CHRNA9: variants seen among roughly 807,000 people sequenced by gnomAD.
CHRNA9 encodes the protein neuronal acetylcholine receptor subunit alpha-9.
CHRNA9 carries 24 observed loss-of-function variants against 36.8 expected under a neutral mutation model. That is an observed-to-expected ratio of 0.65 (90% CI 0.47 to 0.92). The LOEUF is 0.92. Among genes scored for constraint, CHRNA9 ranks in the 40% least tolerant of loss-of-function variants. CHRNA9 has a pLI of 0.00. For missense variants in CHRNA9, 610 were observed against 601.2 expected (o/e 1.01, Z -0.15); for synonymous variants, 231 against 231.8 (o/e 1.00, Z 0.03).
chr4:40,351,343 A>AAT (rs1424010350), intron 4 of CHRNA9, among the ~76,000 whole-genome samples: 3 of 150,236 alleles, frequency 2.0e-5, no homozygotes, highest in African/African-American at 7.4e-5. Flanking sequence ...AAAAAAAAAA[A>AAT]TTGAAAAAAA....
At chr4:40,340,211 C>T (rs1712460049) in intron 3 of CHRNA9, among the ~76,000 whole-genome samples, 1 of 152,166 alleles carries the variant, frequency 6.6e-6, no homozygotes, top group Non-Finnish European at 1.5e-5. Context: ...GTCCCTTCCC[C>T]ACTCTCCACC....
At chr4:40,346,882 C>A (rs1417766687) in intron 3 of CHRNA9, among the ~76,000 whole-genome samples, 2 of 152,098 alleles carry the variant, frequency 1.3e-5, no homozygotes, top group Admixed American at 6.5e-5. Context: ...GTGATCTCAA[C>A]TCACTACAAC....
intron 3 of CHRNA9, among the ~76,000 whole-genome samples, chr4:40,344,058 A>G (rs1712571448): frequency 6.6e-6 from 1 of 152,214 alleles, no homozygotes; most frequent in African/African-American, 2.4e-5. Context: ...CAAAGGAAGC[A>G]GAGGTTAGTG....
chr4:40,337,269 C>T lies in CHRNA9; in HGVS notation c.270C>T (p.Ala90=), dbSNP rs114307446. 2.5e-6 allele frequency: 4 copies of T among 1,614,176 alleles called. No individual in the cohort carries two copies. In the South Asian group the frequency reaches 4.4e-5, roughly 18 times the overall value. The change falls in exon 3 of 5, where the codon GCC becomes GCT. Residue 90 remains alanine (A), a synonymous_variant. Transcript: ENST00000310169. ...GGATCCGCCAAATCTGGCACGATGCCTATCTCACGTGGGACCGAGATCAGT... is the reference window on the plus strand; with the variant it reads ...GGATCCGCCAAATCTGGCACGATGCTTATCTCACGTGGGACCGAGATCAGT... ...YLWIRQIWHD[A]YLTWDRDQYD...
intron 3 of CHRNA9, among the ~76,000 whole-genome samples, chr4:40,345,095 T>C (rs2109683504): frequency 6.6e-6 from 1 of 152,224 alleles, no homozygotes. Flanking sequence ...GGCACACAGC[T>C]AGAAAGTGAG....
rs1054990916 is a variant in CHRNA9 at position 40,335,873 on chromosome 4, C to A, written c.111C>A (p.Asp37Glu). The change falls in exon 2 of 5, where the codon GAC (aspartate) becomes GAA (glutamate). Residue 37 changes from aspartate to glutamate, a missense_variant. Physicochemically the swap from Asp to Glu is conservative, Grantham distance 45. Transcript: ENST00000310169. The part of the protein sequence containing the change: ...DGKYAQKLFN[D>E]LFEDYSNALR... Reference sequence around the variant, plus strand: ...AATATGCTCAGAAGTTGTTTAATGACCTTTTTGAAGATTATTCTAATGCTC... The same window carrying A: ...AATATGCTCAGAAGTTGTTTAATGAACTTTTTGAAGATTATTCTAATGCTC... 7 of 1,612,486 alleles carry A rather than the reference C, an allele frequency of 4.3e-6. No homozygotes were observed. The Admixed American group carries it at 6.7e-5, about 15-fold the overall frequency.
In CHRNA9 at chr4:40,349,435, C is replaced by T. The variant is rs184070384; in HGVS notation, c.898+21C>T. 211 of 1,599,322 alleles carry T rather than the reference C, an allele frequency of 1.3e-4. 1 individual carries two copies. In the East Asian group the frequency reaches 4.5e-3, roughly 34 times the overall value. On this transcript the variant is annotated intron_variant, in intron 4 of 4. Transcript: ENST00000310169. ...GATAGGTGAGTCCAAGTGTCTTCCACTTCAAGCCCAGCTTTGTAGTGCCTG... is the reference window on the plus strand; with the variant it reads ...GATAGGTGAGTCCAAGTGTCTTCCATTTCAAGCCCAGCTTTGTAGTGCCTG...
At chr4:40,341,131 C>T (rs1421439838) in intron 3 of CHRNA9, among the ~76,000 whole-genome samples, 2 of 152,028 alleles carry the variant, frequency 1.3e-5, no homozygotes, top group African/African-American at 4.8e-5. Flanking sequence ...AAAGTTCTGG[C>T]AGGAATGTTT....
intron 2 of CHRNA9, among the ~76,000 whole-genome samples, chr4:40,336,892 G>T (rs535164389): frequency 1.2e-3 from 176 of 152,212 alleles, no homozygotes; most frequent in Non-Finnish European, 1.9e-3. Flanking sequence ...TCTGCACATT[G>T]TTATTTCCTG....
rs1033310032 is a variant in CHRNA9 at position 40,335,405 on chromosome 4, A to C, written c.-63A>C. ...CCTTGTGCCCAGATCCTTTGTATTC[A>C]TAGGGGGAAGTGGAAGACCACGCTG... On this transcript the variant is annotated 5_prime_UTR_variant, in exon 1 of 5. Coordinates refer to ENST00000310169, the MANE Select transcript of CHRNA9 (RefSeq NM_017581.4). 1.6e-6 allele frequency: 2 copies of C among 1,239,958 alleles called. No individual in the cohort carries two copies. The highest frequency in any genetic ancestry group is 1.9e-4 in the Middle Eastern group (1 of 5,164). The allele number at this position is 1,239,958 out of a possible 1,614,324, so 76.8% of individuals were successfully genotyped here.
intron 4 of CHRNA9, 189 bp downstream of exon 4, chr4:40,349,603 G>C (rs1328227024): frequency 3.5e-6 from 2 of 579,316 alleles, no homozygotes; most frequent in Non-Finnish European, 6.1e-6. Flanking sequence ...AATCAAAACT[G>C]GTCTTATGGT....
At chr4:40,353,486 G>A (rs1192454826) in intron 4 of CHRNA9, among the ~76,000 whole-genome samples, 1 of 143,826 alleles carries the variant, frequency 7.0e-6, no homozygotes, top group Non-Finnish European at 1.5e-5. Flanking sequence ...GCGAGACTCT[G>A]TCTCAAAAAA....
chr4:40,350,472 G>C (rs79572918), intron 4 of CHRNA9, among the ~76,000 whole-genome samples: 7,495 of 152,132 alleles, frequency 0.049, 251 homozygotes, highest in Non-Finnish European at 0.074. Flanking sequence ...AGTTGCTGTT[G>C]TAACAGATGC....
chr4:40,348,853 G>T, intron 3 of CHRNA9, 29 bp from the exon 4 acceptor site: 1 of 1,601,568 alleles, frequency 6.2e-7, no homozygotes, highest in Non-Finnish European at 8.5e-7. Flanking sequence ...CCTAGCATGC[G>T]GCTTTCATTT....
intron 4 of CHRNA9, among the ~76,000 whole-genome samples, chr4:40,351,334 A>AC (rs1444722090): frequency 1.3e-5 from 2 of 149,874 alleles, no homozygotes; most frequent in African/African-American, 2.5e-5. Context: ...TTCGTCTCAA[A>AC]AAAAAAAAAT....
rs745493859 is a variant in CHRNA9, at chr4:40,337,209, G to C, written c.211-1G>C. ...AAGCGACATCTGGATTCATTGTGTA[G>C]GATGAAAGAAACCAAATTCTGACTG... On this transcript the variant is annotated splice_acceptor_variant, in intron 2 of 4. Coordinates refer to ENST00000310169, the MANE Select transcript of CHRNA9 (RefSeq NM_017581.4). LOFTEE classifies it high-confidence loss of function. 1 of 1,614,090 alleles carries C rather than the reference G, an allele frequency of 6.2e-7. No homozygotes were observed. The highest frequency in any genetic ancestry group is 1.1e-5 in the South Asian group (1 of 91,058).
intron 3 of CHRNA9, among the ~76,000 whole-genome samples, chr4:40,345,179 C>T (rs1225601557): frequency 1.3e-5 from 2 of 152,016 alleles, no homozygotes; most frequent in African/African-American, 4.8e-5. Flanking sequence ...CTATAGGAAG[C>T]CACTGCAAGT....
At chr4:40,339,633 A>G (rs1324849665) in intron 3 of CHRNA9, among the ~76,000 whole-genome samples, 1 of 141,270 alleles carries the variant, frequency 7.1e-6, no homozygotes, top group East Asian at 2.3e-4. Flanking sequence ...GCTCCAGTCC[A>G]GCCTGGGTGA....
rs769896104 is a variant in CHRNA9, at chr4:40,348,831, GT to G, written c.366-50del. 3 of 1,569,854 alleles carry G rather than the reference GT, an allele frequency of 1.9e-6. No individual in the cohort carries two copies. The Admixed American group carries it at 5.1e-5, about 27-fold the overall frequency. ...CAGTGAGCTGTCTGGGGTAAGGAAG[GT>G]GGCAAGTTCTCCTAGCATGCGGCTT... is the stretch of plus-strand genomic sequence containing the variant. On this transcript the variant is annotated intron_variant, in intron 3 of 4. Coordinates refer to ENST00000310169, the MANE Select transcript of CHRNA9 (RefSeq NM_017581.4).
Sources: allele counts gnomAD v4.1 joint callset (sites outside exome capture counted in the v4.1 genomes callset), GRCh38; gene constraint gnomAD v4.1.1; transcripts MANE v1.5; gene names NCBI Gene and HGNC (gene_info 2026-07-23, HGNC 2026-07-21).